Variants in VWA5B1 observed in about 807,000 individuals in gnomAD.
VWA5B1 encodes von Willebrand factor A domain containing 5B1, also known as von Willebrand factor A domain-containing protein 5B1.
Under a neutral mutation model 118.2 loss-of-function variants are expected in VWA5B1, and 115 were observed. The observed-to-expected ratio is 0.97, with a 90% confidence interval of 0.84 to 1.14. The LOEUF (loss-of-function observed/expected upper bound fraction) is 1.14. Ranked by LOEUF, VWA5B1 falls within the 50% of genes most tolerant of loss-of-function variation. The probability of loss-of-function intolerance (pLI) is 0.00; values close to 1 mark genes in which losing one functional copy is unlikely to be tolerated. For synonymous variants in VWA5B1, 682 were observed against 658.4 expected, an observed-to-expected ratio of 1.04 and a Z score of -0.55; for missense variants, 1,596 against 1,603.8, an observed-to-expected ratio of 1.00 and a Z score of 0.08.
intron 1 of VWA5B1, among the ~76,000 whole-genome samples, chr1:20,304,337 C>T (rs1354797874): frequency 1.3e-5 from 2 of 151,948 alleles, no homozygotes; most frequent in African/African-American, 4.8e-5. Context: ...ACTTTGAAGG[C>T]AAAAGAGGCA....
intron 12 of VWA5B1, among the ~76,000 whole-genome samples, chr1:20,333,636 C>T (rs10916768): frequency 0.015 from 2,280 of 152,334 alleles, 56 homozygotes; most frequent in African/African-American, 0.05. Context: ...TCCTTCTCCA[C>T]ACACTCTAGT....
At chr1:20,297,351 G>A (rs1357662729) in intron 1 of VWA5B1, among the ~76,000 whole-genome samples, 1 of 152,200 alleles carries the variant, frequency 6.6e-6, no homozygotes, top group Non-Finnish European at 1.5e-5. Flanking sequence ...CTCCATGATC[G>A]CTGTGGCAGA....
chr1:20,304,523 G>A (rs2088589441), intron 1 of VWA5B1, among the ~76,000 whole-genome samples: 2 of 152,066 alleles, frequency 1.3e-5, no homozygotes, highest in African/African-American at 4.8e-5. Flanking sequence ...CAAAATCAAT[G>A]GGAAGCCATT....
At chr1:20,300,997 C>A (rs1557827204) in intron 1 of VWA5B1, among the ~76,000 whole-genome samples, 1 of 152,254 alleles carries the variant, frequency 6.6e-6, no homozygotes, top group East Asian at 1.9e-4. Context: ...GCAGTGACCT[C>A]TGCCACCCCA....
chr1:20,325,187 C>A (rs191822034), intron 8 of VWA5B1, among the ~76,000 whole-genome samples: 33 of 152,288 alleles, frequency 2.2e-4, no homozygotes, highest in Non-Finnish European at 3.8e-4. Flanking sequence ...GCTCATTTTC[C>A]TTACATTGCT....
In VWA5B1 at chr1:20,354,146, C is replaced by G. The variant is rs1279768994; in HGVS notation, c.3531C>G (p.Pro1177=). The change falls in exon 22 of 22, where the codon CCC becomes CCG. Residue 1177 remains proline, a synonymous_variant. Coordinates refer to ENST00000289815, the MANE Select transcript of VWA5B1 (RefSeq NM_001039500.3). ...ANSWLEQQEV[P]EGRTQGTLKA... ...CATGGCTGGAGCAGCAGGAAGTACC[C>G]GAGGGCCGCACGCAGGGCACACTCA... 1 of 1,551,370 alleles carries G rather than the reference C, an allele frequency of 6.4e-7. No homozygotes were observed.
chr1:20,308,931 C>T (rs191687895), intron 1 of VWA5B1, among the ~76,000 whole-genome samples: 29 of 152,286 alleles, frequency 1.9e-4, no homozygotes, highest in South Asian at 4.1e-4. Context: ...CCCAGGGAAG[C>T]TTTGCCTGGC....
At chr1:20,294,364 A>T (rs968773003) in intron 1 of VWA5B1, 7 of 152,292 alleles carry the variant, frequency 4.6e-5, no homozygotes, top group African/African-American at 1.4e-4. Context: ...ACTAGCAGAG[A>T]AGGAACAGTT....
At position 20,343,898 on chromosome 1, in the gene VWA5B1, A is replaced by C. The variant is rs574364842; in HGVS notation, c.2626+505A>C. 3.5e-5 allele frequency among the ~76,000 whole-genome samples: 3 copies of C among 85,704 alleles called. No individual in the cohort carries two copies. The South Asian group carries it at 1.3e-3, about 38-fold the overall frequency. The allele number at this position is 85,704 out of a possible 152,430, so 56.2% of individuals were successfully genotyped here. A position where few individuals can be genotyped will look rare whatever the true frequency, so the allele number is the denominator to read the frequency against. On this transcript the variant is annotated intron_variant, in intron 16 of 21. Transcript: ENST00000289815. ...GCTCCGCCCCCTCCCCATTCTGCTC[A>C]GTGCCTGGGCTCATTCCCTACCCCC...
intron 1 of VWA5B1, among the ~76,000 whole-genome samples, chr1:20,297,996 ATTTT>A (rs60497976): frequency 0.017 from 2,167 of 126,656 alleles, 47 homozygotes; most frequent in African/African-American, 0.056. Flanking sequence ...TCGGTGGTGG[ATTTT>A]TTTTTTTTTT....
chr1:20,348,384 C>T, intron 18 of VWA5B1, 26 bp downstream of exon 18: 1 of 1,550,166 alleles, frequency 6.5e-7, no homozygotes, highest in African/African-American at 1.4e-5. Context: ...TAAGTAAGAG[C>T]CACCCTGGGC....
chr1:20,326,230 G>A (rs1016035962), intron 8 of VWA5B1, among the ~76,000 whole-genome samples: 1 of 152,128 alleles, frequency 6.6e-6, no homozygotes, highest in African/African-American at 2.4e-5. Flanking sequence ...ATGGGATTGG[G>A]GTGTGAGTAT....
chr1:20,299,741 G>A (rs2088472115), intron 1 of VWA5B1, among the ~76,000 whole-genome samples: 1 of 152,238 alleles, frequency 6.6e-6, no homozygotes, highest in Admixed American at 6.5e-5. Context: ...CGAAGTGGGA[G>A]TCTTCTCTAG....
Position 20,318,401 on chromosome 1 carries a change from C to A in VWA5B1, c.710-189C>A, listed in dbSNP as rs1442478993. 3 of 762,050 alleles carry A rather than the reference C, an allele frequency of 3.9e-6. No individual in the cohort carries two copies. In the East Asian group the frequency reaches 8.2e-5, roughly 21 times the overall value. 47.2% of individuals were successfully genotyped at this position (762,050 alleles called of 1,614,324 possible). On this transcript the variant is annotated intron_variant, in intron 5 of 21. Coordinates refer to ENST00000289815, the MANE Select transcript of VWA5B1 (RefSeq NM_001039500.3). ...AGCAGGAAGAGTCATCAGACACCAT[C>A]TATCTAAGCTTTCATTTTACAGGTG...
chr1:20,297,419 A>T (rs1008099628), intron 1 of VWA5B1, among the ~76,000 whole-genome samples: 2 of 152,200 alleles, frequency 1.3e-5, no homozygotes. Flanking sequence ...GAAGTGACAC[A>T]CGTCGCTTCC....
Position 20,314,422 on chromosome 1 carries a change from C to A in VWA5B1, c.393C>A (p.Asn131Lys), listed in dbSNP as rs545862452. ...TGGAGCGGATCCTGTTCGTGGCCAACCTGGGGACCATTGCCCCCATGGAGA... is the reference window on the plus strand; with the variant it reads ...TGGAGCGGATCCTGTTCGTGGCCAAACTGGGGACCATTGCCCCCATGGAGA... ...EDLERILFVA[N>K]LGTIAPMENV... The change falls in exon 4 of 22, where the codon AAC (asparagine) becomes AAA (lysine). Residue 131 changes from asparagine to lysine, a missense_variant. By Grantham distance (94) the Asn-to-Lys change is moderately conservative (BLOSUM62 0). Transcript: ENST00000289815. 7 of 1,551,832 alleles carry A rather than the reference C, an allele frequency of 4.5e-6. No individual in the cohort carries two copies. The African/African-American group carries it at 8.2e-5, about 18-fold the overall frequency.
chr1:20,354,092 G>A lies in VWA5B1; in HGVS notation c.3477G>A (p.Glu1159=), dbSNP rs1164820943. Residue 1159 remains glutamate, a synonymous_variant, in exon 22 of 22, where the codon GAG becomes GAA. Transcript: ENST00000289815. The part of the protein sequence containing the change: ...LEHSSASYFT[E]WELVAAKANS... ...ACAGTTCGGCCTCCTACTTCACTGAGTGGGAGTTGGTGGCTGCCAAGGCCA... is the reference window on the plus strand; with the variant it reads ...ACAGTTCGGCCTCCTACTTCACTGAATGGGAGTTGGTGGCTGCCAAGGCCA... The A allele has an allele frequency of 6.4e-6, 10 of 1,551,564 alleles. No individual in the cohort carries two copies. Among genetic ancestry groups the A allele is most frequent in the Non-Finnish European group, 7.8e-6 (9 of 1,146,986 alleles).
intron 15 of VWA5B1, 60 bp downstream of exon 15, chr1:20,342,669 T>A (rs1253757478): frequency 2.1e-6 from 3 of 1,438,384 alleles, no homozygotes; most frequent in Non-Finnish European, 2.7e-6. Context: ...TGGCTGTTGT[T>A]CAACTTCAGA....
chr1:20,346,061 T>C (rs1352910631), intron 17 of VWA5B1, among the ~76,000 whole-genome samples: 2 of 152,238 alleles, frequency 1.3e-5, no homozygotes, highest in Non-Finnish European at 2.9e-5. Context: ...TATCCTAATA[T>C]GTGCTATATT....
Sources: allele counts gnomAD v4.1 joint callset (sites outside exome capture counted in the v4.1 genomes callset), GRCh38; gene constraint gnomAD v4.1.1; transcripts MANE v1.5; gene names NCBI Gene and HGNC (gene_info 2026-07-23, HGNC 2026-07-21).